Variants in MYLK observed in about 807,000 individuals in gnomAD.
The protein encoded by MYLK is myosin light chain kinase, smooth muscle.
In MYLK, 106 loss-of-function variants were observed where a neutral mutation model predicts 203.4. The ratio of observed to expected loss-of-function variants is 0.52; its 90% CI spans 0.45 to 0.61. MYLK has a LOEUF of 0.61. Among genes scored for constraint, MYLK ranks in the 20% least tolerant of loss-of-function variants. The pLI is 0.00. For missense variants in MYLK, 2,072 were observed against 2,442.3 expected (o/e 0.85, Z 3.20); for synonymous variants, 867 against 959.5 (o/e 0.90, Z 1.78).
At chr3:123,808,449 GA>G (rs5852368) in intron 3 of MYLK, among the ~76,000 whole-genome samples, 27,652 of 152,142 alleles carry the variant, frequency 0.18, 2,963 homozygotes, top group Non-Finnish European at 0.25. Context: ...AGATTTGGGT[GA>G]AGCATTTTTA....
chr3:123,762,954 G>T (rs1310873960), intron 4 of MYLK, among the ~76,000 whole-genome samples: 1 of 152,122 alleles, frequency 6.6e-6, no homozygotes, highest in Admixed American at 6.5e-5. Flanking sequence ...AATGGACTAA[G>T]ACAATCTCTT....
chr3:123,629,217 C>A lies in MYLK; in HGVS notation c.5114+257G>T, dbSNP rs1438772066. ...TGCTCTGTAACGTGGTCAAGTGTCGCTTTTCAAGTCAGGTGTCTGAGCCTC... is the reference window on the plus strand; with the variant it reads ...TGCTCTGTAACGTGGTCAAGTGTCGATTTTCAAGTCAGGTGTCTGAGCCTC... On this transcript the variant is annotated intron_variant, in intron 30 of 33. Transcript: ENST00000360304. This position sits in a 1 kb window ranked among gnomAD's most constrained non-coding sequence, Gnocchi z 4.4. Among the ~76,000 whole-genome samples the A allele has an allele frequency of 6.6e-6, 1 of 152,180 alleles. No individual in the cohort carries two copies. Among genetic ancestry groups the A allele is most frequent in the Non-Finnish European group, 1.5e-5 (1 of 68,034 alleles).
intron 2 of MYLK, among the ~76,000 whole-genome samples, chr3:123,844,723 T>C (rs1171617056): frequency 6.6e-6 from 1 of 151,780 alleles, no homozygotes; most frequent in Non-Finnish European, 1.5e-5. Context: ...GGAAGGTCTG[T>C]AAGCACAGAG....
At chr3:123,834,625 T>A (rs1452150505) in intron 2 of MYLK, among the ~76,000 whole-genome samples, 1 of 152,040 alleles carries the variant, frequency 6.6e-6, no homozygotes, top group East Asian at 1.9e-4. Flanking sequence ...TCACAACGAC[T>A]TGAGAACAAG....
intron 13 of MYLK, among the ~76,000 whole-genome samples, chr3:123,717,546 G>T (rs1218463342): frequency 1.3e-5 from 2 of 152,154 alleles, no homozygotes; most frequent in African/African-American, 2.4e-5. Context: ...CAACTGGCAG[G>T]CTATTAATAA....
intron 3 of MYLK, among the ~76,000 whole-genome samples, chr3:123,807,435 A>G (rs2065409470): frequency 7.0e-6 from 1 of 143,864 alleles, no homozygotes; most frequent in South Asian, 2.2e-4. Context: ...TCCCCCCACC[A>G]AAAAAAAAAA....
At chr3:123,674,196 G>C (rs1386953663) in intron 20 of MYLK, among the ~76,000 whole-genome samples, 2 of 151,932 alleles carry the variant, frequency 1.3e-5, no homozygotes, top group African/African-American at 2.4e-5. Context: ...TTTCTCCCAA[G>C]GCCCCCTCCC....
At chr3:123,801,060 TGAGAA>T (rs912885464) in intron 3 of MYLK, among the ~76,000 whole-genome samples, 150 of 152,384 alleles carry the variant, frequency 9.8e-4, no homozygotes, top group African/African-American at 3.4e-3. Context: ...AAGAATTTAA[TGAGAA>T]GAGTTGCTCC....
chr3:123,821,035 A>G (rs80078555), intron 3 of MYLK, among the ~76,000 whole-genome samples: 1 of 152,108 alleles, frequency 6.6e-6, no homozygotes, highest in African/African-American at 2.4e-5. Flanking sequence ...GGCTGAGCTA[A>G]CAGTGATTTT....
At chr3:123,770,863 G>GT (rs1261521122) in intron 4 of MYLK, among the ~76,000 whole-genome samples, 4 of 152,184 alleles carry the variant, frequency 2.6e-5, no homozygotes, top group Non-Finnish European at 5.9e-5. Context: ...GTTCATATAA[G>GT]TAAGACCAGC....
intron 29 of MYLK, among the ~76,000 whole-genome samples, chr3:123,635,629 T>A (rs2058615307): frequency 6.6e-6 from 1 of 152,196 alleles, no homozygotes; most frequent in Admixed American, 6.5e-5. Context: ...TAGTTCTTGG[T>A]CTTTGCTTTA....
At position 123,664,229 on chromosome 3, in the gene MYLK, C is replaced by G; in HGVS notation, c.3861G>C (p.Glu1287Asp). The G allele has an allele frequency of 6.2e-7, 1 of 1,614,208 alleles. No individual in the cohort carries two copies. The highest frequency in any genetic ancestry group is 8.5e-7 in the Non-Finnish European group (1 of 1,180,048). The change falls in exon 23 of 34, where the codon GAG (glutamate) becomes GAC (aspartate). Residue 1287 changes from glutamate (E) to aspartate (D), a missense_variant. Coordinates refer to ENST00000360304, the MANE Select transcript of MYLK (RefSeq NM_053025.4). Reference sequence around the variant, plus strand: ...TGAGCTTGCTGCCATTCTCGCTGTTCTCCACCTTCATGTGCTCGCTTTCCT... The same window carrying G: ...TGAGCTTGCTGCCATTCTCGCTGTTGTCCACCTTCATGTGCTCGCTTTCCT... ...QIQESEHMKV[E>D]NSENGSKLTI...
intron 19 of MYLK, among the ~76,000 whole-genome samples, chr3:123,686,583 C>T (rs925121716): frequency 1.3e-5 from 2 of 152,202 alleles, no homozygotes; most frequent in Middle Eastern, 3.4e-3. Context: ...AGTGTGCTAG[C>T]GTAGTAAGGA....
intron 4 of MYLK, among the ~76,000 whole-genome samples, chr3:123,789,676 A>AAAAAAG (rs1560219704): frequency 6.9e-6 from 1 of 145,592 alleles, no homozygotes. Context: ...AAAAAAAAAA[A>AAAAAAG]AAGAAGGAAC....
intron 8 of MYLK, chr3:123,735,852 G>A: frequency 1.8e-5 from 3 of 167,938 alleles, no homozygotes; most frequent in East Asian, 1.5e-4. Context: ...ATTTTATCAT[G>A]GTAAACTTAA....
At chr3:123,847,445 C>T (rs2148659833) in intron 2 of MYLK, among the ~76,000 whole-genome samples, 1 of 152,160 alleles carries the variant, frequency 6.6e-6, no homozygotes, top group South Asian at 2.1e-4. Flanking sequence ...CTGTACAATG[C>T]TGAATATAGC....
At chr3:123,638,957 A>G (rs1383700762) in intron 28 of MYLK, 1 of 985,358 alleles carries the variant, frequency 1.0e-6, no homozygotes, top group Non-Finnish European at 1.2e-6. Context: ...CAAAGCATTT[A>G]ACAGCCCTCA....
intron 2 of MYLK, among the ~76,000 whole-genome samples, chr3:123,844,341 C>T (rs916596236): frequency 5.3e-5 from 8 of 152,144 alleles, no homozygotes; most frequent in Non-Finnish European, 7.3e-5. Context: ...CTGATCCTCA[C>T]CACCTGGATC....
At position 123,700,078 on chromosome 3, in the gene MYLK, G is replaced by C. The variant is rs1388889365; in HGVS notation, c.3390C>G (p.Ile1130Met). The C allele has an allele frequency of 1.2e-6, 2 of 1,613,934 alleles. No homozygotes were observed. Among genetic ancestry groups the C allele is most frequent in the Non-Finnish European group, 1.7e-6 (2 of 1,180,022 alleles). Residue 1130 changes from isoleucine (I) to methionine (M), a missense_variant, in exon 18 of 34, where the codon ATC becomes ATG. Around this residue, in one of 3 missense-constraint regions of MYLK, gnomAD observed 865 missense variants for 1,016.0 expected, o/e 0.85. Coordinates refer to ENST00000360304, the MANE Select transcript of MYLK (RefSeq NM_053025.4). ...QVSSDPPATIIWTLNGKTLKT... is the reference protein window; with the variant it reads ...QVSSDPPATIMWTLNGKTLKT... ...TGAGGGTCTTTCCGTTCAGCGTCCAGATGATGGTGGCTGGGGGGTCAGAAG... is the reference window on the plus strand; with the variant it reads ...TGAGGGTCTTTCCGTTCAGCGTCCACATGATGGTGGCTGGGGGGTCAGAAG...
Sources: gnomAD v4.1 joint callset for allele counts (sites outside exome capture counted in the v4.1 genomes callset) on GRCh38, gnomAD v4.1.1 for gene constraint, gnomAD v4.1.1 regional missense constraint, Gnocchi (gnomAD v3.1) non-coding constraint, MANE v1.5 for transcripts, NCBI Gene and HGNC (gene_info 2026-07-23, HGNC 2026-07-21) for gene names.